Variants in RORA observed in about 807,000 individuals in gnomAD.
RORA encodes the protein nuclear receptor ROR-alpha.
A neutral mutation model predicts 69.5 loss-of-function variants in RORA; 7 were observed. The ratio of observed to expected loss-of-function variants is 0.10; its 90% CI spans 0.06 to 0.19. The LOEUF is 0.19. Among genes scored for constraint, RORA ranks in the 10% least tolerant of loss-of-function variants. The pLI is 1.00. For synonymous variants in RORA, 261 were observed against 240.8 expected (o/e 1.08, Z -0.78); for missense variants, 457 against 663.0 (o/e 0.69, Z 3.41).
intron 1 of RORA, among the ~76,000 whole-genome samples, chr15:60,956,504 G>T (rs1256269765): frequency 6.6e-6 from 1 of 152,164 alleles, no homozygotes; most frequent in Non-Finnish European, 1.5e-5. Flanking sequence ...AGCAGAATGG[G>T]AAAGTATAGG....
intron 1 of RORA, among the ~76,000 whole-genome samples, chr15:60,986,238 A>G (rs940613354): frequency 2.6e-5 from 4 of 151,784 alleles, no homozygotes; most frequent in African/African-American, 9.7e-5. Context: ...GGTTCAAGCC[A>G]TTCTCCTGCC....
chr15:61,060,351 T>G (rs904973916), intron 1 of RORA, among the ~76,000 whole-genome samples: 1 of 152,184 alleles, frequency 6.6e-6, no homozygotes, highest in African/African-American at 2.4e-5. Context: ...CTACTCATTC[T>G]GCTCCTGGGA....
intron 1 of RORA, among the ~76,000 whole-genome samples, chr15:61,148,093 G>T (rs1258425929): frequency 6.6e-6 from 1 of 152,184 alleles, no homozygotes; most frequent in African/African-American, 2.4e-5. Flanking sequence ...ATCCATCGAT[G>T]CCGAAGGCGT....
intron 1 of RORA, among the ~76,000 whole-genome samples, chr15:61,072,326 C>T (rs2078379563): frequency 6.6e-6 from 1 of 152,076 alleles, no homozygotes; most frequent in African/African-American, 2.4e-5. Context: ...CATGATAAGC[C>T]TACAAGGACA....
chr15:60,538,553 G>C (rs561177219), intron 2 of RORA, among the ~76,000 whole-genome samples: 2 of 152,280 alleles, frequency 1.3e-5, no homozygotes, highest in Admixed American at 6.5e-5. Context: ...TCATCTGCTA[G>C]CTAGACTTAC....
intron 1 of RORA, among the ~76,000 whole-genome samples, chr15:60,861,703 A>G (rs1224715189): frequency 6.6e-6 from 1 of 152,190 alleles, no homozygotes; most frequent in African/African-American, 2.4e-5. Context: ...ATTCCAAGGA[A>G]CGAGATGTCC....
chr15:60,548,222 A>C (rs1267414412), intron 2 of RORA, among the ~76,000 whole-genome samples: 3 of 152,250 alleles, frequency 2.0e-5, no homozygotes, highest in Non-Finnish European at 4.4e-5. Flanking sequence ...TTCTGGTTTC[A>C]CAGTAAAAGA....
At chr15:61,096,383 A>G (rs1051701926) in intron 1 of RORA, among the ~76,000 whole-genome samples, 1 of 152,240 alleles carries the variant, frequency 6.6e-6, no homozygotes, top group Non-Finnish European at 1.5e-5. Context: ...AAGCTCATTT[A>G]GTAGCGACAA....
rs562642969 is a variant in RORA at position 60,998,856 on chromosome 15, T to C, written c.166+230197A>G. ...TCAGCATCCTGGGAGACTGGCATGA[T>C]AATATTCGTTTTTCAGAGCAAGAAC... On this transcript the variant is annotated intron_variant, in intron 1 of 10. Transcript: ENST00000335670. Among the ~76,000 whole-genome samples the C allele has an allele frequency of 7.9e-5, 12 of 152,248 alleles. No individual in the cohort carries two copies. In the South Asian group the frequency reaches 2.5e-3, roughly 32 times the overall value.
intron 1 of RORA, among the ~76,000 whole-genome samples, chr15:61,210,395 G>A (rs886578240): frequency 2.0e-5 from 3 of 152,088 alleles, no homozygotes; most frequent in African/African-American, 7.2e-5. Flanking sequence ...GCAATAAGGC[G>A]AGTCTAAGAC....
chr15:60,949,633 T>C (rs954557341), intron 1 of RORA, among the ~76,000 whole-genome samples: 14 of 152,202 alleles, frequency 9.2e-5, no homozygotes, highest in Non-Finnish European at 1.9e-4. Flanking sequence ...GAGAGAAAGC[T>C]TCCTAACCTT....
intron 1 of RORA, among the ~76,000 whole-genome samples, chr15:60,680,287 C>A (rs1456531197): frequency 6.6e-6 from 1 of 152,202 alleles, no homozygotes; most frequent in East Asian, 1.9e-4. Context: ...TTATTCAAAA[C>A]CTCCACACAA....
chr15:61,018,287 T>A (rs1755261781), intron 1 of RORA, among the ~76,000 whole-genome samples: 1 of 152,200 alleles, frequency 6.6e-6, no homozygotes, highest in South Asian at 2.1e-4. Flanking sequence ...TCCTGGGCTC[T>A]AGCTGTGACT....
intron 1 of RORA, among the ~76,000 whole-genome samples, chr15:60,976,178 G>A (rs751912639): frequency 2.6e-5 from 4 of 152,220 alleles, no homozygotes; most frequent in Non-Finnish European, 5.9e-5. Context: ...GCCTGGCCAG[G>A]TGGAGACTTG....
At chr15:60,705,249 G>A (rs1346116756) in intron 1 of RORA, among the ~76,000 whole-genome samples, 1 of 152,164 alleles carries the variant, frequency 6.6e-6, no homozygotes, top group Non-Finnish European at 1.5e-5. Flanking sequence ...GGCAGGGCTT[G>A]TATTAAATGC....
At chr15:60,503,435 GA>G in intron 7 of RORA, 99 bp downstream of exon 7, 1 of 1,220,696 alleles carries the variant, frequency 8.2e-7, no homozygotes, top group Non-Finnish European at 1.2e-6. Context: ...TATCATTGGA[GA>G]AAAACTGTTC....
rs1296941280 is a variant in RORA, at chr15:60,493,797, C to G, written c.*3658G>C. Reference sequence around the variant, plus strand: ...AGAAGGGTTAAAAAAATAGAAGTCTCTCTAAAGTGGTCCAGACAAGGCTTT... The same window carrying G: ...AGAAGGGTTAAAAAAATAGAAGTCTGTCTAAAGTGGTCCAGACAAGGCTTT... On this transcript the variant is annotated 3_prime_UTR_variant, in exon 11 of 11. Coordinates refer to ENST00000335670, the MANE Select transcript of RORA (RefSeq NM_134261.3). 6.6e-6 allele frequency: 1 copy of G among 152,110 alleles called. No individual in the cohort carries two copies. The highest frequency in any genetic ancestry group is 1.9e-4 in the East Asian group (1 of 5,202). The allele number at this position is 152,110 out of a possible 1,614,324, so 9.4% of individuals were successfully genotyped here.
intron 1 of RORA, among the ~76,000 whole-genome samples, chr15:60,741,990 C>T (rs2071581446): frequency 6.6e-6 from 1 of 152,146 alleles, no homozygotes; most frequent in South Asian, 2.1e-4. Flanking sequence ...AAAAGTTTCT[C>T]TCACAGCATT....
intron 1 of RORA, among the ~76,000 whole-genome samples, chr15:61,227,838 T>C (rs2140954232): frequency 6.6e-6 from 1 of 152,336 alleles, no homozygotes; most frequent in Non-Finnish European, 1.5e-5. Context: ...GCGCGATTTA[T>C]ACATTATTTA....
Sources: gnomAD v4.1 joint callset for allele counts (sites outside exome capture counted in the v4.1 genomes callset) on GRCh38, gnomAD v4.1.1 for gene constraint, MANE v1.5 for transcripts, NCBI Gene and HGNC (gene_info 2026-07-23, HGNC 2026-07-21) for gene names.